KALRN: variants seen among roughly 807,000 people sequenced by gnomAD.
KALRN encodes kalirin.
KALRN carries 70 observed loss-of-function variants against 353.7 expected under a neutral mutation model. The ratio of observed to expected loss-of-function variants is 0.20; its 90% CI spans 0.16 to 0.24. The LOEUF is 0.24. Ranked by LOEUF, KALRN falls within the 10% of genes least tolerant of loss-of-function variation. The pLI is 1.00. For synonymous variants in KALRN, 1,391 were observed against 1,434.8 expected, an observed-to-expected ratio of 0.97 and a Z score of 0.69; for missense variants, 2,791 against 3,756.7, an observed-to-expected ratio of 0.74 and a Z score of 6.72.
chr3:124,567,043 TTGA>T (rs1252788062), intron 34 of KALRN, among the ~76,000 whole-genome samples: 1 of 152,200 alleles, frequency 6.6e-6, no homozygotes, highest in Admixed American at 6.5e-5. Flanking sequence ...AGGATGGTTC[TTGA>T]TGATCCACTA....
intron 34 of KALRN, among the ~76,000 whole-genome samples, chr3:124,625,347 G>A (rs1311815241): frequency 1.3e-5 from 2 of 152,184 alleles, no homozygotes; most frequent in African/African-American, 4.8e-5. Flanking sequence ...TTTGAACTAA[G>A]TCCAATCCAC....
At chr3:124,153,570 A>G (rs1394381631) in intron 1 of KALRN, among the ~76,000 whole-genome samples, 11 of 151,040 alleles carry the variant, frequency 7.3e-5, no homozygotes, top group Middle Eastern at 3.4e-3. Flanking sequence ...TAGTGCCGCA[A>G]TAAACATACG....
At chr3:124,047,394 T>C (rs1244630542) in intron 1 of KALRN, among the ~76,000 whole-genome samples, 2 of 152,154 alleles carry the variant, frequency 1.3e-5, no homozygotes, top group African/African-American at 4.8e-5. Context: ...TCATTTAATA[T>C]GTATTTATTG....
intron 5 of KALRN, 110 bp downstream of exon 5, chr3:124,269,365 T>A: frequency 8.4e-7 from 1 of 1,192,824 alleles, no homozygotes; most frequent in African/African-American, 1.5e-5. Context: ...TTTAAAACAG[T>A]GTGCCTACTA....
chr3:124,710,075 T>G (rs1201084267), intron 57 of KALRN, among the ~76,000 whole-genome samples: 4 of 152,282 alleles, frequency 2.6e-5, no homozygotes, highest in Admixed American at 2.0e-4. Context: ...TATACTCAGC[T>G]AAACTCACAA....
chr3:124,248,259 C>T (rs111635298), intron 3 of KALRN, among the ~76,000 whole-genome samples: 2 of 152,216 alleles, frequency 1.3e-5, no homozygotes, highest in Non-Finnish European at 2.9e-5. Flanking sequence ...GCTTCACCCC[C>T]CCCATACTCC....
intron 43 of KALRN, 85 bp from the exon 44 acceptor site, chr3:124,660,838 T>C (rs1184382565): frequency 3.2e-6 from 3 of 932,742 alleles, no homozygotes; most frequent in East Asian, 2.4e-5. Flanking sequence ...CAGGGTGTTA[T>C]TGTATTTTTA....
At chr3:124,218,307 A>G (rs2077545937) in intron 1 of KALRN, among the ~76,000 whole-genome samples, 1 of 152,088 alleles carries the variant, frequency 6.6e-6, no homozygotes, top group Admixed American at 6.5e-5. Flanking sequence ...TGTGCTGGGG[A>G]AAAGGGAGGG....
At chr3:124,531,857 C>T (rs1270110055) in intron 33 of KALRN, among the ~76,000 whole-genome samples, 2 of 152,134 alleles carry the variant, frequency 1.3e-5, no homozygotes, top group Non-Finnish European at 2.9e-5. Context: ...GTCCTACTAC[C>T]CTAATTTCTA....
intron 6 of KALRN, among the ~76,000 whole-genome samples, chr3:124,320,662 C>A (rs1331300106): frequency 6.6e-6 from 1 of 152,212 alleles, no homozygotes; most frequent in Non-Finnish European, 1.5e-5. Flanking sequence ...CCCAAGAAGA[C>A]TATCTCAAGA....
intron 29 of KALRN, 66 bp downstream of exon 29, chr3:124,488,381 G>T: frequency 9.5e-7 from 1 of 1,053,828 alleles, no homozygotes; most frequent in Non-Finnish European, 1.5e-6. Context: ...TTGTATCATG[G>T]GAGGGAAGTG....
chr3:124,387,825 CA>C (rs1191745313), intron 11 of KALRN, among the ~76,000 whole-genome samples: 2 of 151,784 alleles, frequency 1.3e-5, no homozygotes, highest in African/African-American at 4.8e-5. Context: ...TCAGGATGGA[CA>C]GAAAAGCAAC....
At chr3:124,574,786 A>G (rs1244844852) in intron 34 of KALRN, among the ~76,000 whole-genome samples, 1 of 152,240 alleles carries the variant, frequency 6.6e-6, no homozygotes, top group Non-Finnish European at 1.5e-5. Context: ...AGGCAAGGCA[A>G]TGGTCTGGAC....
intron 25 of KALRN, among the ~76,000 whole-genome samples, chr3:124,465,330 T>A (rs2060225828): frequency 6.6e-6 from 1 of 152,154 alleles, no homozygotes; most frequent in Non-Finnish European, 1.5e-5. Flanking sequence ...TTTCACTGCA[T>A]AATCAGGTAC....
chr3:124,698,079 C>T (rs2062139679), intron 55 of KALRN, among the ~76,000 whole-genome samples: 1 of 152,184 alleles, frequency 6.6e-6, no homozygotes, highest in African/African-American at 2.4e-5. Flanking sequence ...AAGCCAACCT[C>T]CCACCTCAGC....
intron 10 of KALRN, among the ~76,000 whole-genome samples, chr3:124,368,924 C>G (rs1028376654): frequency 1.3e-5 from 2 of 151,824 alleles, no homozygotes; most frequent in Non-Finnish European, 2.9e-5. Flanking sequence ...GTGGCGCGTG[C>G]CTGCAATCGC....
chr3:124,462,286 C>T (rs530832018), intron 24 of KALRN, among the ~76,000 whole-genome samples: 1 of 152,262 alleles, frequency 6.6e-6, no homozygotes, highest in South Asian at 2.1e-4. Context: ...CATAAAAGTC[C>T]ACACACATTT....
chr3:124,268,718 C>T, intron 4 of KALRN, 25 bp from the exon 5 acceptor site: 1 of 1,611,658 alleles, frequency 6.2e-7, no homozygotes, highest in Non-Finnish European at 8.5e-7. Context: ...CACTGAGTAT[C>T]CTTGTCTGTG....
chr3:124,519,858 G>C (rs909167107), intron 33 of KALRN: 8 of 985,308 alleles, frequency 8.1e-6, no homozygotes, highest in African/African-American at 1.7e-5. Context: ...GCAGGCTGTT[G>C]ATATACAGTG....
Sources: gnomAD v4.1 joint callset for allele counts (sites outside exome capture counted in the v4.1 genomes callset) on GRCh38, gnomAD v4.1.1 for gene constraint, MANE v1.5 for transcripts, NCBI Gene and HGNC (gene_info 2026-07-23, HGNC 2026-07-21) for gene names.